GALNTL6: variants seen among roughly 807,000 people sequenced by gnomAD.
The protein encoded by GALNTL6 is polypeptide N-acetylgalactosaminyltransferase like 6.
A neutral mutation model predicts 73.7 loss-of-function variants in GALNTL6; 46 were observed. The ratio of observed to expected loss-of-function variants is 0.62; its 90% CI spans 0.49 to 0.80. The LOEUF (loss-of-function observed/expected upper bound fraction) is 0.80, where lower values mean the gene tolerates loss of function less well. Among genes scored for constraint, GALNTL6 ranks in the 30% least tolerant of loss-of-function variants. The probability of loss-of-function intolerance (pLI) is 0.00; values close to 1 mark genes in which losing one functional copy is unlikely to be tolerated. For synonymous variants in GALNTL6, 259 were observed against 263.7 expected, an observed-to-expected ratio of 0.98 and a Z score of 0.17; for missense variants, 604 against 755.0, an observed-to-expected ratio of 0.80 and a Z score of 2.34.
chr4:172,631,704 T>C (rs1203519226), intron 5 of GALNTL6, among the ~76,000 whole-genome samples: 1 of 152,232 alleles, frequency 6.6e-6, no homozygotes, highest in African/African-American at 2.4e-5. Context: ...CCAGTGTGAT[T>C]TGCTTTCAAG....
chr4:172,776,634 G>A (rs988188164), intron 5 of GALNTL6, among the ~76,000 whole-genome samples: 1 of 152,124 alleles, frequency 6.6e-6, no homozygotes, highest in Admixed American at 6.5e-5. Context: ...TTGGAGAGTT[G>A]AGTGGACAGA....
At chr4:172,124,542 A>G (rs1320833105) in intron 2 of GALNTL6, among the ~76,000 whole-genome samples, 1 of 152,238 alleles carries the variant, frequency 6.6e-6, no homozygotes, top group Non-Finnish European at 1.5e-5. Flanking sequence ...TGTAAAAGCA[A>G]AATAAAACAA....
At chr4:172,684,861 C>G (rs1033068996) in intron 5 of GALNTL6, among the ~76,000 whole-genome samples, 2 of 152,192 alleles carry the variant, frequency 1.3e-5, no homozygotes, top group Non-Finnish European at 2.9e-5. Context: ...CTCAAGCTCT[C>G]CATTTCTCAA....
Position 172,639,644 on chromosome 4 carries a change from C to A in GALNTL6, c.554-169717C>A, listed in dbSNP as rs556921862. 1.1e-4 allele frequency among the ~76,000 whole-genome samples: 17 copies of A among 152,172 alleles called. No individual in the cohort carries two copies. The East Asian group carries it at 3.3e-3, about 29-fold the overall frequency. ...CTCTTCACACCTTCTTCTCTCTCCTCCAGCTCCCTGTACCTCCTTATCCAT... is the reference window on the plus strand; with the variant it reads ...CTCTTCACACCTTCTTCTCTCTCCTACAGCTCCCTGTACCTCCTTATCCAT... On this transcript the variant is annotated intron_variant, in intron 5 of 12. Transcript: ENST00000506823.
At chr4:171,957,152 G>A (rs1009029660) in intron 2 of GALNTL6, among the ~76,000 whole-genome samples, 6 of 152,134 alleles carry the variant, frequency 3.9e-5, no homozygotes, top group African/African-American at 1.2e-4. Flanking sequence ...TGACTTTACT[G>A]AACAGACAAG....
chr4:172,603,228 G>C (rs1189808872), intron 5 of GALNTL6, among the ~76,000 whole-genome samples: 2 of 152,174 alleles, frequency 1.3e-5, no homozygotes, highest in Admixed American at 1.3e-4. Flanking sequence ...TACTTAAATA[G>C]AGTTGATTTT....
chr4:172,278,645 G>GA (rs1738919428), intron 3 of GALNTL6, among the ~76,000 whole-genome samples: 1 of 151,990 alleles, frequency 6.6e-6, no homozygotes, highest in Admixed American at 6.6e-5. Context: ...AAGGAGCATA[G>GA]AAAAAATACA....
At chr4:171,818,976 A>G (rs1030668983) in intron 2 of GALNTL6, among the ~76,000 whole-genome samples, 1 of 151,860 alleles carries the variant, frequency 6.6e-6, no homozygotes, top group African/African-American at 2.4e-5. Context: ...ATTGGTACCC[A>G]GTGTATGCAA....
chr4:172,197,132 C>G (rs1180661882), intron 2 of GALNTL6, among the ~76,000 whole-genome samples: 8 of 152,002 alleles, frequency 5.3e-5, no homozygotes, highest in Non-Finnish European at 1.5e-5. Context: ...ACAAGCATTC[C>G]TATACACCCA....
chr4:173,026,835 T>C (rs748532276), intron 12 of GALNTL6, among the ~76,000 whole-genome samples: 1 of 152,288 alleles, frequency 6.6e-6, no homozygotes, highest in Middle Eastern at 3.4e-3. Flanking sequence ...AGTGTCTTAA[T>C]GAAAGCTATT....
chr4:171,996,827 C>T (rs764047481), intron 2 of GALNTL6, among the ~76,000 whole-genome samples: 8 of 151,450 alleles, frequency 5.3e-5, no homozygotes, highest in African/African-American at 1.7e-4. Flanking sequence ...CCATGGGCCA[C>T]GGGTTGAACA....
intron 3 of GALNTL6, among the ~76,000 whole-genome samples, chr4:172,235,884 C>T (rs1433603373): frequency 6.6e-6 from 1 of 152,072 alleles, no homozygotes; most frequent in Non-Finnish European, 1.5e-5. Context: ...TTAACTCCCA[C>T]TTATAAGTAA....
chr4:172,759,463 C>T (rs568693326), intron 5 of GALNTL6, among the ~76,000 whole-genome samples: 2 of 152,350 alleles, frequency 1.3e-5, no homozygotes, highest in East Asian at 1.9e-4. Flanking sequence ...CTAGTGGTCC[C>T]TTGCAGGATG....
chr4:172,048,364 C>T (rs1194178002), intron 2 of GALNTL6, among the ~76,000 whole-genome samples: 1 of 152,094 alleles, frequency 6.6e-6, no homozygotes, highest in Non-Finnish European at 1.5e-5. Flanking sequence ...TCTGATATGT[C>T]CAGAACTATT....
intron 5 of GALNTL6, among the ~76,000 whole-genome samples, chr4:172,703,474 T>C (rs538945375): frequency 2.8e-4 from 43 of 152,162 alleles, no homozygotes; most frequent in African/African-American, 1.0e-3. Context: ...TCCTTCAGTT[T>C]GTTGATGTAG....
At chr4:172,094,364 G>A (rs866599684) in intron 2 of GALNTL6, among the ~76,000 whole-genome samples, 2 of 151,932 alleles carry the variant, frequency 1.3e-5, no homozygotes, top group Admixed American at 6.6e-5. Flanking sequence ...TATTTGATTT[G>A]TATTCCATTA....
chr4:171,953,694 A>G (rs1005625960), intron 2 of GALNTL6, among the ~76,000 whole-genome samples: 1 of 152,170 alleles, frequency 6.6e-6, no homozygotes, highest in Non-Finnish European at 1.5e-5. Flanking sequence ...TGTATGAAAA[A>G]GCAACATACA....
At chr4:171,951,581 TACAC>T (rs1176463287) in intron 2 of GALNTL6, among the ~76,000 whole-genome samples, 2 of 142,126 alleles carry the variant, frequency 1.4e-5, no homozygotes, top group African/African-American at 2.6e-5. Flanking sequence ...TGCACTCACA[TACAC>T]ACAACAGATA....
intron 5 of GALNTL6, among the ~76,000 whole-genome samples, chr4:172,793,492 A>G (rs1167794638): frequency 6.6e-6 from 1 of 152,192 alleles, no homozygotes; most frequent in African/African-American, 2.4e-5. Flanking sequence ...AGTCCCTTCC[A>G]TAGGTGAACT....
Sources: gnomAD v4.1 joint callset for allele counts (sites outside exome capture counted in the v4.1 genomes callset) on GRCh38, gnomAD v4.1.1 for gene constraint, MANE v1.5 for transcripts, NCBI Gene and HGNC (gene_info 2026-07-23, HGNC 2026-07-21) for gene names.